The following DIAPH2 variants were observed in gnomAD, a reference collection of about 807,000 sequenced individuals.
DIAPH2 encodes protein diaphanous homolog 2.
In DIAPH2, 35 loss-of-function variants were observed where a neutral mutation model predicts 92.7. That is an observed-to-expected ratio of 0.38 (90% confidence interval 0.29 to 0.50). The LOEUF (loss-of-function observed/expected upper bound fraction) is 0.50, where lower values mean the gene tolerates loss of function less well. Ranked by LOEUF, DIAPH2 falls within the 20% of genes least tolerant of loss-of-function variation. The pLI is 0.94. For missense variants in DIAPH2, 701 were observed against 819.5 expected, an observed-to-expected ratio of 0.86 and a Z score of 1.77; for synonymous variants, 301 against 280.4, an observed-to-expected ratio of 1.07 and a Z score of -0.73.
Position 97,488,587 on chromosome X carries a change from C to T in DIAPH2, c.3241+58842C>T, listed in dbSNP as rs943973248. ...AGGAGTTTTGTAGGTTTAGGTCTTA[C>T]GTTTAAATCTTTAACCCATTTTTAG... On this transcript the variant is annotated intron_variant, in intron 26 of 26. Transcript: ENST00000324765. Among the ~76,000 whole-genome samples the T allele has an allele frequency of 5.4e-5, 6 of 111,575 alleles. No individual in the cohort carries two copies. The East Asian group carries it at 1.1e-3, about 21-fold the overall frequency.
At chrX:97,428,428 C>T (rs6620274) in intron 25 of DIAPH2, among the ~76,000 whole-genome samples, 1 of 109,450 alleles carries the variant, frequency 9.1e-6, no homozygotes, top group Non-Finnish European at 1.9e-5. Context: ...ACTCAGGATG[C>T]TGAGACAGGA....
At chrX:96,815,319 G>T (rs1214985843) in intron 4 of DIAPH2, among the ~76,000 whole-genome samples, 2 of 112,012 alleles carry the variant, frequency 1.8e-5, no homozygotes, top group Non-Finnish European at 3.8e-5. Context: ...CCATGGACGT[G>T]GGACCCACCG....
In DIAPH2 at chrX:96,938,193, G is replaced by T. The variant is rs1446827617; in HGVS notation, c.1208+842G>T. ...CTTCTGTGCCCCTGTGAGATTGAGG[G>T]CAGAAATGTTATGTTTAATCTTTTT... On this transcript the variant is annotated intron_variant, in intron 11 of 26. Transcript: ENST00000324765. Among the ~76,000 whole-genome samples the T allele has an allele frequency of 3.6e-5, 4 of 110,988 alleles. No homozygotes were observed. In the East Asian group the frequency reaches 1.1e-3, roughly 31 times the overall value.
chrX:96,788,991 A>G (rs2064479545), intron 4 of DIAPH2, among the ~76,000 whole-genome samples: 1 of 112,527 alleles, frequency 8.9e-6, no homozygotes, highest in Admixed American at 9.4e-5. Context: ...TTTTAAGAGC[A>G]TTCCCACTTT....
intron 1 of DIAPH2, among the ~76,000 whole-genome samples, chrX:96,685,935 A>ATGGTAG (rs2063768533): frequency 8.9e-6 from 1 of 112,186 alleles, no homozygotes. Flanking sequence ...GTGTGAACCG[A>ATGGTAG]TGGTAGCAGT....
At chrX:96,839,520 C>G (rs1445446949) in intron 4 of DIAPH2, among the ~76,000 whole-genome samples, 5 of 111,496 alleles carry the variant, frequency 4.5e-5, no homozygotes, top group Non-Finnish European at 9.4e-5. Context: ...TTTTAATTTA[C>G]AGACACTTAA....
Position 96,768,596 on chromosome X carries a change from G to A in DIAPH2, c.447+10338G>A, listed in dbSNP as rs1433766303. 2.7e-5 allele frequency among the ~76,000 whole-genome samples: 3 copies of A among 111,867 alleles called. No individual in the cohort carries two copies. The Admixed American group carries it at 2.9e-4, about 11-fold the overall frequency. Reference sequence around the variant, plus strand: ...GAAAGCAGAGAGTGATCAGGGTGTGGTATTTTAGATAGGCGAGCTCTTTGG... The same window carrying A: ...GAAAGCAGAGAGTGATCAGGGTGTGATATTTTAGATAGGCGAGCTCTTTGG... On this transcript the variant is annotated intron_variant, in intron 4 of 26. Coordinates refer to ENST00000324765, the MANE Select transcript of DIAPH2 (RefSeq NM_006729.5).
chrX:97,446,059 A>G (rs986952423), intron 26 of DIAPH2, among the ~76,000 whole-genome samples: 2 of 111,352 alleles, frequency 1.8e-5, no homozygotes, highest in Non-Finnish European at 3.8e-5. Flanking sequence ...CTTGGTTGCC[A>G]GCCTTTTTGG....
intron 19 of DIAPH2, among the ~76,000 whole-genome samples, chrX:97,088,215 C>A (rs754549431): frequency 4.5e-5 from 5 of 111,874 alleles, no homozygotes; most frequent in Non-Finnish European, 9.4e-5. Flanking sequence ...ATTTGCTCTT[C>A]TCCATGCCTT....
chrX:96,822,780 A>C (rs2064787275), intron 4 of DIAPH2, among the ~76,000 whole-genome samples: 1 of 112,656 alleles, frequency 8.9e-6, no homozygotes, highest in Admixed American at 9.4e-5. Flanking sequence ...AGAACATAGT[A>C]TATACTATTA....
At chrX:97,151,020 C>G (rs2067281589) in intron 22 of DIAPH2, among the ~76,000 whole-genome samples, 1 of 111,528 alleles carries the variant, frequency 9.0e-6, no homozygotes, top group Non-Finnish European at 1.9e-5. Context: ...AGTAGAAAAC[C>G]ATGTCTTCAA....
chrX:97,285,721 C>T (rs368698323), intron 23 of DIAPH2, among the ~76,000 whole-genome samples: 262 of 110,837 alleles, frequency 2.4e-3, no homozygotes, highest in African/African-American at 8.0e-3. Context: ...CTCGGCCTCC[C>T]GAGTAGCTGG....
chrX:97,254,295 C>T (rs183128177), intron 23 of DIAPH2, among the ~76,000 whole-genome samples: 55 of 110,507 alleles, frequency 5.0e-4, no homozygotes, highest in African/African-American at 1.8e-3. Context: ...AGTTCGAGAC[C>T]AGCCTAGCCA....
chrX:97,593,290 C>G (rs2071529168), intron 26 of DIAPH2, among the ~76,000 whole-genome samples: 1 of 110,210 alleles, frequency 9.1e-6, no homozygotes, highest in Non-Finnish European at 1.9e-5. Context: ...GAACAGAAAC[C>G]CGAGTATAGC....
At chrX:96,690,307 A>G (rs1207647375) in intron 1 of DIAPH2, among the ~76,000 whole-genome samples, 2 of 111,540 alleles carry the variant, frequency 1.8e-5, no homozygotes, top group Non-Finnish European at 3.8e-5. Context: ...ATTTCTGATG[A>G]GCCATTTAGC....
At chrX:96,918,745 A>G (rs756774661) in intron 9 of DIAPH2, 128 bp downstream of exon 9, 3 of 442,316 alleles carry the variant, frequency 6.8e-6, no homozygotes, top group Non-Finnish European at 1.2e-5. Flanking sequence ...TTCTGTTGCT[A>G]GTTTGTGAGA....
intron 26 of DIAPH2, among the ~76,000 whole-genome samples, chrX:97,561,312 T>C (rs2071292711): frequency 8.9e-6 from 1 of 112,322 alleles, no homozygotes; most frequent in Middle Eastern, 4.6e-3. Flanking sequence ...TAATTTCTCT[T>C]CCTTTAATGT....
chrX:97,098,311 A>G (rs2066882571), intron 19 of DIAPH2, among the ~76,000 whole-genome samples: 1 of 111,606 alleles, frequency 9.0e-6, no homozygotes, highest in South Asian at 3.8e-4. Context: ...GAACTTTGTC[A>G]TCATCCCAAA....
chrX:97,063,521 C>T (rs2066614459), intron 17 of DIAPH2, among the ~76,000 whole-genome samples: 1 of 111,490 alleles, frequency 9.0e-6, no homozygotes, highest in Non-Finnish European at 1.9e-5. Flanking sequence ...AGTCATTTTA[C>T]ATGAAAACGT....
Sources: gnomAD v4.1 joint callset for allele counts (sites outside exome capture counted in the v4.1 genomes callset) on GRCh38, gnomAD v4.1.1 for gene constraint, MANE v1.5 for transcripts, NCBI Gene and HGNC (gene_info 2026-07-23, HGNC 2026-07-21) for gene names.